Variants in ZNF804B observed in about 807,000 individuals in gnomAD.
ZNF804B encodes zinc finger protein 804B, also known as zinc finger 804B.
A neutral mutation model predicts 101.4 loss-of-function variants in ZNF804B; 80 were observed. That is an observed-to-expected ratio of 0.79 (90% confidence interval 0.66 to 0.95). The LOEUF is 0.95. ZNF804B is among the 40% of genes least tolerant of loss of function. ZNF804B has a pLI of 0.00. For missense variants in ZNF804B, 1,673 were observed against 1,561.9 expected (o/e 1.07, Z -1.20); for synonymous variants, 622 against 558.8 (o/e 1.11, Z -1.59).
intron 1 of ZNF804B, among the ~76,000 whole-genome samples, chr7:89,016,800 A>T (rs1300816222): frequency 1.3e-5 from 2 of 152,148 alleles, no homozygotes; most frequent in Non-Finnish European, 2.9e-5. Flanking sequence ...CTTTTAGCTT[A>T]GATTGACTTG....
At chr7:88,766,050 G>T (rs1349855303) in intron 1 of ZNF804B, among the ~76,000 whole-genome samples, 1 of 152,166 alleles carries the variant, frequency 6.6e-6, no homozygotes, top group Admixed American at 6.5e-5. Flanking sequence ...TGTAATCCCA[G>T]CACTTTGGGA....
At chr7:89,270,016 C>G (rs1226122938) in intron 2 of ZNF804B, among the ~76,000 whole-genome samples, 2 of 152,162 alleles carry the variant, frequency 1.3e-5, no homozygotes, top group South Asian at 4.2e-4. Context: ...TTGTGGGTTG[C>G]CTGTTCACTC....
chr7:89,034,585 C>CT (rs201683621), intron 1 of ZNF804B, among the ~76,000 whole-genome samples: 5,607 of 152,188 alleles, frequency 0.037, 341 homozygotes, highest in African/African-American at 0.13. Context: ...TGAACTCATC[C>CT]TTTTTTATGG....
chr7:89,043,704 G>A (rs1789054605), intron 1 of ZNF804B, among the ~76,000 whole-genome samples: 1 of 152,092 alleles, frequency 6.6e-6, no homozygotes, highest in Non-Finnish European at 1.5e-5. Flanking sequence ...AGCACTATGT[G>A]GTTTATAGTT....
intron 1 of ZNF804B, among the ~76,000 whole-genome samples, chr7:88,920,845 A>G (rs937760585): frequency 6.6e-6 from 1 of 152,082 alleles, no homozygotes; most frequent in Non-Finnish European, 1.5e-5. Context: ...TAAAAATTAG[A>G]TATCATCCCT....
intron 1 of ZNF804B, among the ~76,000 whole-genome samples, chr7:88,858,665 G>A (rs1036383630): frequency 4.6e-5 from 7 of 152,030 alleles, no homozygotes; most frequent in Admixed American, 2.6e-4. Context: ...AAAAAATCTC[G>A]TTAACAGAAA....
At chr7:89,052,126 T>C (rs1311631379) in intron 1 of ZNF804B, among the ~76,000 whole-genome samples, 2 of 152,064 alleles carry the variant, frequency 1.3e-5, no homozygotes, top group African/African-American at 4.8e-5. Context: ...TGTTCAGGTA[T>C]TAACTTTATT....
chr7:88,893,084 T>A (rs1166710749), intron 1 of ZNF804B, among the ~76,000 whole-genome samples: 4 of 152,098 alleles, frequency 2.6e-5, no homozygotes, highest in Non-Finnish European at 4.4e-5. Context: ...GGTTCCAGAT[T>A]TTGCTTCTTA....
chr7:89,126,608 T>C (rs1420479910), intron 1 of ZNF804B, among the ~76,000 whole-genome samples: 1 of 151,958 alleles, frequency 6.6e-6, no homozygotes, highest in Non-Finnish European at 1.5e-5. Context: ...TTATTAGAAA[T>C]TTTTCTTCTG....
At chr7:88,975,974 A>T (rs1379445498) in intron 1 of ZNF804B, among the ~76,000 whole-genome samples, 1 of 151,654 alleles carries the variant, frequency 6.6e-6, no homozygotes, top group Non-Finnish European at 1.5e-5. Context: ...ATAGGGGTTC[A>T]TTCTTCTGCA....
intron 1 of ZNF804B, among the ~76,000 whole-genome samples, chr7:88,956,510 A>G (rs1459693233): frequency 6.6e-6 from 1 of 151,420 alleles, no homozygotes; most frequent in Non-Finnish European, 1.5e-5. Context: ...CTCTATTACC[A>G]TATTTCAAAA....
chr7:88,766,580 G>A (rs1174070173), intron 1 of ZNF804B, among the ~76,000 whole-genome samples: 1 of 152,094 alleles, frequency 6.6e-6, no homozygotes. Context: ...GCTTAGCAAA[G>A]GGATAGGAAT....
Position 89,336,541 on chromosome 7 carries a change from A to G in ZNF804B, c.3559A>G (p.Thr1187Ala), listed in dbSNP as rs1345032045. The change falls in exon 4 of 4, where the codon ACT (threonine) becomes GCT (alanine). Residue 1187 changes from threonine (T) to alanine (A), a missense_variant. Transcript: ENST00000333190. Reference sequence around the variant, plus strand: ...TCGAGTTTTGCCTGCTGCAGGGCCTACTGCCTTCTCTCCGGCCTCAACCGT... The same window carrying G: ...TCGAGTTTTGCCTGCTGCAGGGCCTGCTGCCTTCTCTCCGGCCTCAACCGT... ...HLRVLPAAGP[T>A]AFSPASTVQT... is the part of the protein sequence containing the mutation. 1.2e-6 allele frequency: 2 copies of G among 1,614,048 alleles called. No individual in the cohort carries two copies. The highest frequency in any genetic ancestry group is 1.1e-5 in the South Asian group (1 of 91,080).
chr7:89,319,058 G>T (rs1307509161), intron 2 of ZNF804B, among the ~76,000 whole-genome samples: 1 of 152,144 alleles, frequency 6.6e-6, no homozygotes, highest in Non-Finnish European at 1.5e-5. Flanking sequence ...ATTGTCTGTG[G>T]CTTAAGAATG....
chr7:88,833,371 G>A (rs939625725), intron 1 of ZNF804B, among the ~76,000 whole-genome samples: 6 of 151,824 alleles, frequency 4.0e-5, no homozygotes, highest in African/African-American at 1.5e-4. Flanking sequence ...CGTAAAATGG[G>A]ATGAAAACTG....
chr7:88,976,613 T>G (rs1793618742), intron 1 of ZNF804B, among the ~76,000 whole-genome samples: 1 of 151,640 alleles, frequency 6.6e-6, no homozygotes, highest in Non-Finnish European at 1.5e-5. Flanking sequence ...CTGAATTTAT[T>G]AGTTTTAATT....
chr7:88,997,686 G>C (rs1472394537), intron 1 of ZNF804B, among the ~76,000 whole-genome samples: 2 of 152,044 alleles, frequency 1.3e-5, no homozygotes, highest in Non-Finnish European at 2.9e-5. Flanking sequence ...AAGTGATAGG[G>C]CATATCTGTG....
chr7:88,937,410 A>G (rs963883587), intron 1 of ZNF804B, among the ~76,000 whole-genome samples: 6 of 152,132 alleles, frequency 3.9e-5, no homozygotes, highest in African/African-American at 9.6e-5. Flanking sequence ...GGAAAAATCT[A>G]TCCATCGACC....
At chr7:89,279,189 G>T (rs1016120960) in intron 2 of ZNF804B, among the ~76,000 whole-genome samples, 1 of 152,004 alleles carries the variant, frequency 6.6e-6, no homozygotes, top group Admixed American at 6.6e-5. Flanking sequence ...TGTGATTTTT[G>T]CACATTGATT....
Sources: allele counts gnomAD v4.1 joint callset (sites outside exome capture counted in the v4.1 genomes callset), GRCh38; gene constraint gnomAD v4.1.1; transcripts MANE v1.5; gene names NCBI Gene and HGNC (gene_info 2026-07-23, HGNC 2026-07-21).